Variants in MLXIPL observed in about 807,000 individuals in gnomAD.
MLXIPL encodes carbohydrate-responsive element-binding protein.
A neutral mutation model predicts 81.5 loss-of-function variants in MLXIPL; 49 were observed. The observed-to-expected ratio is 0.60, with a 90% CI of 0.48 to 0.76. The LOEUF is 0.76. MLXIPL is among the 30% of genes least tolerant of loss of function. MLXIPL has a pLI of 0.00. For missense variants in MLXIPL, 1,053 were observed against 1,167.0 expected, an observed-to-expected ratio of 0.90 and a Z score of 1.42; for synonymous variants, 466 against 485.5, an observed-to-expected ratio of 0.96 and a Z score of 0.53.
intron 2 of MLXIPL, among the ~76,000 whole-genome samples, chr7:73,615,099 C>G (rs782204535): frequency 6.6e-6 from 1 of 152,086 alleles, no homozygotes; most frequent in Non-Finnish European, 1.5e-5. Context: ...TGTGAGCCAC[C>G]GTGGCCTCGT....
chr7:73,624,443 A>T lies in MLXIPL; in HGVS notation c.50T>A (p.Val17Asp). The T allele has an allele frequency of 6.4e-7, 1 of 1,551,896 alleles. No individual in the cohort carries two copies. ...GLAAGLQVPR[V>D]APSPDSDSDT... ...CGAGTCCGAGTCTGGGCTGGGCGCG[A>T]CCCGCGGGACCTGCAAGCCCGCGGC... Residue 17 changes from valine to aspartate, a missense_variant, in exon 1 of 17, where the codon GTC (valine) becomes GAC (aspartate). By Grantham distance (152) the Val-to-Asp change is radical. Coordinates refer to ENST00000313375, the MANE Select transcript of MLXIPL (RefSeq NM_032951.3).
At chr7:73,607,304 G>T in intron 4 of MLXIPL, 27 bp downstream of exon 4, 1 of 1,547,904 alleles carries the variant, frequency 6.5e-7, no homozygotes, top group Non-Finnish European at 8.8e-7. Context: ...GAAAGCTCTG[G>T]GGCCTCCCTG....
chr7:73,599,752 C>G, intron 7 of MLXIPL, 57 bp from the exon 8 acceptor site: 1 of 1,540,628 alleles, frequency 6.5e-7, no homozygotes, highest in Non-Finnish European at 8.8e-7. Flanking sequence ...GGCTGGGAAA[C>G]AGCTGAGAGG....
At chr7:73,603,086 C>G (rs1416786806) in intron 7 of MLXIPL, among the ~76,000 whole-genome samples, 1 of 152,194 alleles carries the variant, frequency 6.6e-6, no homozygotes, top group African/African-American at 2.4e-5. Flanking sequence ...GGCTGCCTCC[C>G]TGAGCACCCC....
chr7:73,633,482 G>A, the MLXIPL span, among the ~76,000 whole-genome samples: 2 of 151,662 alleles, frequency 1.3e-5, no homozygotes, highest in African/African-American at 4.8e-5. Context: ...CAACGTGCCT[G>A]GCTAATTTTT....
At chr7:73,620,725 G>A (rs1299566067) in intron 1 of MLXIPL, among the ~76,000 whole-genome samples, 2 of 150,984 alleles carry the variant, frequency 1.3e-5, no homozygotes, top group Non-Finnish European at 1.5e-5. Flanking sequence ...CTGGGCGACA[G>A]AGTGAGACTC....
chr7:73,612,068 G>A (rs1554599839), intron 2 of MLXIPL, among the ~76,000 whole-genome samples: 1 of 152,168 alleles, frequency 6.6e-6, no homozygotes, highest in Non-Finnish European at 1.5e-5. Flanking sequence ...GCTCACGCCT[G>A]TAGCCCCAAC....
chr7:73,605,973 A>T lies in MLXIPL; in HGVS notation c.757T>A (p.Ser253Thr). ...LDLNCFLSDI[S>T]DTLFTMTQSG... Reference sequence around the variant, plus strand: ...TGAGTCATGGTGAAGAGAGTGTCTGAGATGTCGGACAAAAAGCAATTGAGG... The same window carrying T: ...TGAGTCATGGTGAAGAGAGTGTCTGTGATGTCGGACAAAAAGCAATTGAGG... Residue 253 changes from serine (S) to threonine (T), a missense_variant, in exon 6 of 17, where the codon TCA becomes ACA. By Grantham distance (58) the Ser-to-Thr change is moderately conservative (BLOSUM62 1). Around this residue, in one of 3 missense-constraint regions of MLXIPL, gnomAD observed 823 missense variants for 933.0 expected, o/e 0.88. Transcript: ENST00000313375. The T allele has an allele frequency of 6.3e-7, 1 of 1,592,974 alleles. No individual in the cohort carries two copies.
the MLXIPL span, among the ~76,000 whole-genome samples, chr7:73,644,745 A>T: frequency 6.6e-6 from 1 of 152,156 alleles, no homozygotes; most frequent in Non-Finnish European, 1.5e-5. Context: ...ATAGGGCGAC[A>T]ATCTCCTCCA....
At chr7:73,640,852 C>T in the MLXIPL span, among the ~76,000 whole-genome samples, 1 of 151,772 alleles carries the variant, frequency 6.6e-6, no homozygotes, top group Non-Finnish European at 1.5e-5. Context: ...TTGAGGACCC[C>T]AAAGTCCAGA....
intron 1 of MLXIPL, among the ~76,000 whole-genome samples, chr7:73,621,817 A>ATCTCCCTCCGTCTCCCTCCCTCCC (rs1796390196): frequency 2.5e-4 from 5 of 19,638 alleles, no homozygotes; most frequent in African/African-American, 4.5e-4. Context: ...CCCTCCCTCC[A>ATCTCCCTCCGTCTCCCTCCCTCCC]TCTCCCTCCG....
In MLXIPL at chr7:73,593,445, C is replaced by T. The variant is rs1794008023; in HGVS notation, c.*420G>A. 3.4e-6 allele frequency: 1 copy of T among 293,766 alleles called. No individual in the cohort carries two copies. Among genetic ancestry groups the T allele is most frequent in the Admixed American group, 4.4e-5 (1 of 22,816 alleles). The allele number at this position is 293,766 out of a possible 1,614,324, so 18.2% of individuals were successfully genotyped here. ...TGCTCAGGAACAGAGGTCTGTGCCC[C>T]ACCTGTCGGGGAGCAAGTGGAGGTG... is the stretch of plus-strand genomic sequence containing the variant. On this transcript the variant is annotated 3_prime_UTR_variant, in exon 17 of 17. Coordinates refer to ENST00000313375, the MANE Select transcript of MLXIPL (RefSeq NM_032951.3).
intron 1 of MLXIPL, among the ~76,000 whole-genome samples, chr7:73,620,592 A>G (rs1796284446): frequency 6.8e-6 from 1 of 147,038 alleles, no homozygotes; most frequent in Non-Finnish European, 1.5e-5. Context: ...AAAAAAAAAA[A>G]AAAAGCCGGA....
At chr7:73,634,663 G>A in the MLXIPL span, among the ~76,000 whole-genome samples, 1 of 151,350 alleles carries the variant, frequency 6.6e-6, no homozygotes, top group Admixed American at 6.6e-5. Flanking sequence ...CCAAAGTGCC[G>A]GGATTACAAG....
At chr7:73,620,438 A>C (rs951966878) in intron 1 of MLXIPL, among the ~76,000 whole-genome samples, 4 of 150,060 alleles carry the variant, frequency 2.7e-5, no homozygotes, top group Non-Finnish European at 5.9e-5. Context: ...ACAACAACAA[A>C]AACTATTAAA....
At position 73,593,503 on chromosome 7, in the gene MLXIPL, T is replaced by C. The variant is rs1399190890; in HGVS notation, c.*362A>G. The stretch of plus-strand genomic sequence containing the variant: ...AACAGCATCCTCCTCTTTCCACCGT[T>C]GAGCCCCCGGAGTTGCCAGCCTAGG... On this transcript the variant is annotated 3_prime_UTR_variant, in exon 17 of 17. Coordinates refer to ENST00000313375, the MANE Select transcript of MLXIPL (RefSeq NM_032951.3). The C allele has an allele frequency of 3.1e-6, 1 of 324,792 alleles. No homozygotes were observed. The highest frequency in any genetic ancestry group is 6.1e-6 in the Non-Finnish European group (1 of 164,892). The allele number at this position is 324,792 out of a possible 1,614,324, so 20.1% of individuals were successfully genotyped here.
the MLXIPL span, among the ~76,000 whole-genome samples, chr7:73,647,694 G>A: frequency 6.6e-6 from 1 of 152,118 alleles, no homozygotes; most frequent in Non-Finnish European, 1.5e-5. Flanking sequence ...GGAAACTGAG[G>A]CCCAGCACAG....
At chr7:73,607,472 C>T (rs1554598654) in intron 3 of MLXIPL, 52 bp from the exon 4 acceptor site, 1 of 1,522,216 alleles carries the variant, frequency 6.6e-7, no homozygotes, top group Admixed American at 1.9e-5. Context: ...GCACCGCACA[C>T]CCATCTCCCA....
chr7:73,643,962 G>A, the MLXIPL span, among the ~76,000 whole-genome samples: 2 of 151,940 alleles, frequency 1.3e-5, no homozygotes, highest in Admixed American at 6.6e-5. Flanking sequence ...TAGATGGGGG[G>A]TCTCACTATG....
Sources: allele counts gnomAD v4.1 joint callset (sites outside exome capture counted in the v4.1 genomes callset), GRCh38; gene constraint gnomAD v4.1.1; regional missense constraint gnomAD v4.1.1; transcripts MANE v1.5; gene names NCBI Gene and HGNC (gene_info 2026-07-23, HGNC 2026-07-21).